SLC2A14: variants seen among roughly 807,000 people sequenced by gnomAD.
The protein encoded by SLC2A14 is solute carrier family 2, facilitated glucose transporter member 14.
Under a neutral mutation model 43.0 loss-of-function variants are expected in SLC2A14, and 13 were observed. The ratio of observed to expected loss-of-function variants is 0.30; its 90% CI spans 0.20 to 0.48. The LOEUF is 0.48. Among genes scored for constraint, SLC2A14 ranks in the 20% least tolerant of loss-of-function variants. The pLI is 0.99. For synonymous variants in SLC2A14, 190 were observed against 233.8 expected, an observed-to-expected ratio of 0.81 and a Z score of 1.71; for missense variants, 428 against 620.4, an observed-to-expected ratio of 0.69 and a Z score of 3.29.
chr12:7,838,599 C>A (rs1865658020), intron 2 of SLC2A14, among the ~76,000 whole-genome samples: 1 of 152,144 alleles, frequency 6.6e-6, no homozygotes. Context: ...ATTAATCATA[C>A]CTCTTTTCTC....
chr12:7,864,068 G>A (rs995404748), intron 2 of SLC2A14, among the ~76,000 whole-genome samples: 2 of 151,844 alleles, frequency 1.3e-5, no homozygotes, highest in African/African-American at 2.4e-5. Flanking sequence ...TGCACGCCTC[G>A]GCCTCACAAA....
intron 2 of SLC2A14, among the ~76,000 whole-genome samples, chr12:7,844,305 T>C (rs866605252): frequency 1.3e-5 from 2 of 152,250 alleles, no homozygotes; most frequent in African/African-American, 2.4e-5. Flanking sequence ...GAGTACTATG[T>C]GGTGGTGTTG....
chr12:7,826,147 C>T (rs1384421339), intron 7 of SLC2A14, among the ~76,000 whole-genome samples: 5 of 151,836 alleles, frequency 3.3e-5, no homozygotes, highest in Non-Finnish European at 5.9e-5. Context: ...TTATCATTTC[C>T]AAATGAGGAA....
chr12:7,851,694 C>G (rs1014405597), intron 2 of SLC2A14, among the ~76,000 whole-genome samples: 5 of 152,162 alleles, frequency 3.3e-5, no homozygotes, highest in Admixed American at 2.6e-4. Flanking sequence ...CATGTGAAAA[C>G]AGTGACTTAG....
At chr12:7,857,199 G>A (rs1489688696) in intron 2 of SLC2A14, among the ~76,000 whole-genome samples, 2 of 151,892 alleles carry the variant, frequency 1.3e-5, no homozygotes, top group Non-Finnish European at 2.9e-5. Context: ...GCAGTGAGCC[G>A]AAATCTTGCT....
chr12:7,874,942 ATATAAATATATT>A (rs1565585182), upstream of SLC2A14, among the ~76,000 whole-genome samples: 10 of 30,400 alleles, frequency 3.3e-4, no homozygotes, highest in Non-Finnish European at 4.9e-4. Context: ...TATAATTTAT[ATATAAATATATT>A]TATATATAAA....
chr12:7,844,844 T>C (rs1866326875), intron 2 of SLC2A14, among the ~76,000 whole-genome samples: 1 of 152,092 alleles, frequency 6.6e-6, no homozygotes, highest in African/African-American at 2.4e-5. Context: ...CTGTAAATCG[T>C]AAATTCTAAG....
At chr12:7,878,589 T>C (rs1463622642) in intron 1 of SLC2A14, among the ~76,000 whole-genome samples, 1 of 152,076 alleles carries the variant, frequency 6.6e-6, no homozygotes, top group Non-Finnish European at 1.5e-5. Context: ...GGTTAAAGTA[T>C]ATACTGTGGG....
At chr12:7,880,302 A>AAAAT (rs774345704) in intron 1 of SLC2A14, among the ~76,000 whole-genome samples, 14 of 151,640 alleles carry the variant, frequency 9.2e-5, no homozygotes, top group African/African-American at 2.4e-4. Flanking sequence ...CTCCGTCTCA[A>AAAAT]AAATAAATAA....
chr12:7,867,282 A>T (rs1944970329), intron 2 of SLC2A14, among the ~76,000 whole-genome samples: 1 of 18,352 alleles, frequency 5.4e-5, no homozygotes, highest in Admixed American at 5.3e-4. Context: ...CTCCGTCTCA[A>T]AAAAAAAAAA....
intron 2 of SLC2A14, among the ~76,000 whole-genome samples, chr12:7,854,585 T>C (rs946728725): frequency 3.9e-5 from 6 of 152,124 alleles, no homozygotes; most frequent in Admixed American, 3.9e-4. Flanking sequence ...GAGTGCGATC[T>C]CGGCTCATGG....
chr12:7,816,145 C>T lies in SLC2A14; in HGVS notation c.1276-1611G>A, dbSNP rs1450109129. Among the ~76,000 whole-genome samples the T allele has an allele frequency of 6.2e-4, 70 of 112,936 alleles. 22 individuals are homozygous for T. Among genetic ancestry groups the T allele is most frequent in the African/African-American group, 2.3e-3 (66 of 28,270 alleles). The allele number at this position is 112,936 out of a possible 152,430, so 74.1% of individuals were successfully genotyped here. On this transcript the variant is annotated intron_variant, in intron 10 of 10. Coordinates refer to ENST00000431042, the MANE Select transcript of SLC2A14 (RefSeq NM_001286234.2). ...CGGAGTCTCGCTCTGTCGCCCAGGC[C>T]GGACTGCGGACTGCAGTGGCGCAAT... is the stretch of plus-strand genomic sequence containing the variant.
chr12:7,815,845 G>C (rs780836888), intron 10 of SLC2A14, among the ~76,000 whole-genome samples: 1 of 151,870 alleles, frequency 6.6e-6, no homozygotes, highest in African/African-American at 2.4e-5. Flanking sequence ...CAAAGTGCTG[G>C]GATTACAGGT....
intron 1 of SLC2A14, among the ~76,000 whole-genome samples, chr12:7,878,951 T>C (rs922524968): frequency 8.8e-6 from 1 of 114,284 alleles, no homozygotes; most frequent in Non-Finnish European, 1.6e-5. Flanking sequence ...CACTCCAGCC[T>C]GGGCGACACA....
intron 7 of SLC2A14, among the ~76,000 whole-genome samples, chr12:7,826,327 C>G (rs1380639601): frequency 6.6e-6 from 1 of 151,398 alleles, no homozygotes; most frequent in Non-Finnish European, 1.5e-5. Flanking sequence ...ACTGGGACTA[C>G]AGGCATGAGC....
intron 2 of SLC2A14, chr12:7,856,358 C>T (rs1867371881): frequency 6.6e-6 from 1 of 152,162 alleles, no homozygotes; most frequent in Non-Finnish European, 1.5e-5. Context: ...AGTGAACTAG[C>T]TTCTCCACAG....
chr12:7,851,027 T>G (rs1203565885), intron 2 of SLC2A14, among the ~76,000 whole-genome samples: 1 of 152,172 alleles, frequency 6.6e-6, no homozygotes. Context: ...AGAGGCTTTC[T>G]GGAGAGAAAC....
upstream of SLC2A14, among the ~76,000 whole-genome samples, chr12:7,878,468 A>G (rs1945502545): frequency 6.6e-6 from 1 of 151,228 alleles, no homozygotes; most frequent in Admixed American, 6.6e-5. Flanking sequence ...CATGTTGGCC[A>G]GGCTGGTCTT....
chr12:7,887,011 A>G (rs1174649026), intron 1 of SLC2A14, among the ~76,000 whole-genome samples: 2 of 149,988 alleles, frequency 1.3e-5, no homozygotes, highest in Non-Finnish European at 3.0e-5. Flanking sequence ...TCCCAGGTTC[A>G]AGCAATTCTC....
Sources: gnomAD v4.1 joint callset for allele counts (sites outside exome capture counted in the v4.1 genomes callset) on GRCh38, gnomAD v4.1.1 for gene constraint, MANE v1.5 for transcripts, NCBI Gene and HGNC (gene_info 2026-07-23, HGNC 2026-07-21) for gene names.